The following GMDS variants were observed in gnomAD, a reference collection of about 807,000 sequenced individuals.
GMDS encodes the protein GDP-mannose 4,6 dehydratase.
In GMDS, 20 loss-of-function variants were observed where a neutral mutation model predicts 49.9. The observed-to-expected ratio is 0.40, with a 90% CI of 0.28 to 0.58. The LOEUF is 0.58. GMDS is among the 20% of genes least tolerant of loss of function. The pLI, the probability that GMDS is intolerant of heterozygous loss-of-function variation, is 0.42. For missense variants in GMDS, 362 were observed against 481.4 expected (o/e 0.75, Z 2.32); for synonymous variants, 177 against 178.6 (o/e 0.99, Z 0.07).
At chr6:2,177,146 C>T (rs114346320) in intron 1 of GMDS, among the ~76,000 whole-genome samples, 80 of 152,068 alleles carry the variant, frequency 5.3e-4, no homozygotes, top group Middle Eastern at 3.4e-3. Flanking sequence ...AAGAAGGGGA[C>T]CATTAAACCA....
chr6:1,708,505 C>T lies in GMDS; in HGVS notation c.987+17911G>A, dbSNP rs185952288. Among the ~76,000 whole-genome samples the T allele has an allele frequency of 3.9e-5, 6 of 152,174 alleles. No homozygotes were observed. In the South Asian group the frequency reaches 8.3e-4, roughly 21 times the overall value. On this transcript the variant is annotated intron_variant, in intron 9 of 10. Coordinates refer to ENST00000380815, the MANE Select transcript of GMDS (RefSeq NM_001500.4). ...GGGGCTAAGTCAGTCACCGCACAATCGAGTATGGTGTAGCTCCAAAGAATG... is the reference window on the plus strand; with the variant it reads ...GGGGCTAAGTCAGTCACCGCACAATTGAGTATGGTGTAGCTCCAAAGAATG...
chr6:1,911,863 A>T (rs1761076321), intron 7 of GMDS, among the ~76,000 whole-genome samples: 1 of 152,162 alleles, frequency 6.6e-6, no homozygotes, highest in Non-Finnish European at 1.5e-5. Context: ...TGACTAAGCA[A>T]GGTCTTTGAG....
At chr6:1,691,743 T>C (rs1765181692) in intron 9 of GMDS, among the ~76,000 whole-genome samples, 1 of 152,244 alleles carries the variant, frequency 6.6e-6, no homozygotes, top group Admixed American at 6.5e-5. Context: ...TGGCATCCTA[T>C]CTGTGCTCCT....
chr6:1,821,803 G>A (rs1419319198), intron 7 of GMDS, among the ~76,000 whole-genome samples: 3 of 152,016 alleles, frequency 2.0e-5, no homozygotes, highest in African/African-American at 7.3e-5. Context: ...AATTAGGAAG[G>A]ACCACATTTC....
At chr6:1,815,328 T>C (rs1378164137) in intron 7 of GMDS, among the ~76,000 whole-genome samples, 1 of 152,244 alleles carries the variant, frequency 6.6e-6, no homozygotes, top group African/African-American at 2.4e-5. Flanking sequence ...TAATAAGGGA[T>C]ATTTTCACAA....
chr6:1,684,437 G>C (rs1043799411), intron 9 of GMDS, among the ~76,000 whole-genome samples: 22 of 152,216 alleles, frequency 1.4e-4, no homozygotes, highest in African/African-American at 5.1e-4. Context: ...ATCCCCAAAG[G>C]AAACAACCCA....
rs149344606 is a variant in GMDS, at chr6:2,164,621, C to T, written c.103-39890G>A. Among the ~76,000 whole-genome samples the T allele has an allele frequency of 5.6e-4, 85 of 152,344 alleles. 1 individual carries two copies. In the East Asian group the frequency reaches 0.015, roughly 27 times the overall value. On this transcript the variant is annotated intron_variant, in intron 1 of 10. Transcript: ENST00000380815. Reference sequence around the variant, plus strand: ...TCATCAGGATCTTCCCACACATCCCCATCCCAACTTTCGGCACCCCCTTCC... The same window carrying T: ...TCATCAGGATCTTCCCACACATCCCTATCCCAACTTTCGGCACCCCCTTCC...
At chr6:1,913,609 A>AT (rs1467108672) in intron 7 of GMDS, among the ~76,000 whole-genome samples, 1 of 152,218 alleles carries the variant, frequency 6.6e-6, no homozygotes, top group Non-Finnish European at 1.5e-5. Context: ...AATGACAATA[A>AT]TATGCACTTT....
rs568354386 is a variant in GMDS, at chr6:1,906,331, A to C, written c.771+23772T>G. Among the ~76,000 whole-genome samples, 7 of 152,302 alleles carry C rather than the reference A, an allele frequency of 4.6e-5. 1 individual carries two copies. In the South Asian group the frequency reaches 1.5e-3, roughly 32 times the overall value. On this transcript the variant is annotated intron_variant, in intron 7 of 10. Transcript: ENST00000380815. ...CCAGGACTCAGTAAGCCAGTTCCAA[A>C]TGTGCAGTGAGCCTTTGCACCATGA...
chr6:1,918,608 G>A (rs567191414), intron 7 of GMDS, among the ~76,000 whole-genome samples: 2 of 152,192 alleles, frequency 1.3e-5, no homozygotes, highest in African/African-American at 4.8e-5. Context: ...ATTCAGCCGG[G>A]CATGGTGGTA....
rs572355592 is a variant in GMDS at position 1,733,329 on chromosome 6, T to G, written c.891-6817A>C. On this transcript the variant is annotated intron_variant, in intron 8 of 10. Coordinates refer to ENST00000380815, the MANE Select transcript of GMDS (RefSeq NM_001500.4). ...GCAGATGTCAGGAGGATGCAGGGAC[T>G]CAAGCAGGGCCCTGGGCACATCAGA... 2.6e-5 allele frequency among the ~76,000 whole-genome samples: 4 copies of G among 152,298 alleles called. No homozygotes were observed. The South Asian group carries it at 8.3e-4, about 32-fold the overall frequency.
At chr6:1,974,758 C>T (rs963697370) in intron 4 of GMDS, among the ~76,000 whole-genome samples, 3 of 151,618 alleles carry the variant, frequency 2.0e-5, no homozygotes, top group South Asian at 2.1e-4. Context: ...GGGCTGGGCA[C>T]GGTGGCTCAT....
chr6:2,115,953 G>C (rs1774824587), intron 3 of GMDS, 73 bp from the exon 4 acceptor site: 1 of 872,524 alleles, frequency 1.1e-6, no homozygotes, highest in South Asian at 1.4e-5. Context: ...CATCAAAATT[G>C]AAATGCATAT....
chr6:1,861,788 T>C (rs1407228518), intron 7 of GMDS, among the ~76,000 whole-genome samples: 2 of 152,204 alleles, frequency 1.3e-5, no homozygotes, highest in African/African-American at 4.8e-5. Context: ...AAATGCACTT[T>C]AGTCCCCAGT....
intron 1 of GMDS, among the ~76,000 whole-genome samples, chr6:2,229,889 G>A (rs1429239355): frequency 6.6e-6 from 1 of 152,200 alleles, no homozygotes; most frequent in East Asian, 1.9e-4. Flanking sequence ...GACTCTACCT[G>A]TAAACCTCGA....
At chr6:1,719,359 C>T (rs562551650) in intron 9 of GMDS, among the ~76,000 whole-genome samples, 1 of 152,176 alleles carries the variant, frequency 6.6e-6, no homozygotes, top group South Asian at 2.1e-4. Context: ...GCAGAGCCCA[C>T]GGTAGATGGG....
intron 1 of GMDS, among the ~76,000 whole-genome samples, chr6:2,137,417 T>C (rs1041111079): frequency 3.4e-5 from 5 of 149,218 alleles, no homozygotes; most frequent in Non-Finnish European, 7.4e-5. Flanking sequence ...CACTGCAACC[T>C]CTGCCTCCCC....
At chr6:1,985,648 T>C (rs1166293930) in intron 4 of GMDS, among the ~76,000 whole-genome samples, 2 of 151,942 alleles carry the variant, frequency 1.3e-5, no homozygotes, top group African/African-American at 4.8e-5. Flanking sequence ...AATAAAACAT[T>C]CAAACAACAA....
intron 4 of GMDS, among the ~76,000 whole-genome samples, chr6:2,034,883 G>A (rs1769196294): frequency 6.6e-6 from 1 of 152,168 alleles, no homozygotes; most frequent in Non-Finnish European, 1.5e-5. Flanking sequence ...GGCCTGGAAG[G>A]TAGGCATCAT....
Sources: gnomAD v4.1 joint callset for allele counts (sites outside exome capture counted in the v4.1 genomes callset) on GRCh38, gnomAD v4.1.1 for gene constraint, MANE v1.5 for transcripts, NCBI Gene and HGNC (gene_info 2026-07-23, HGNC 2026-07-21) for gene names.